The following HIVEP3 variants were observed in gnomAD, a reference collection of about 807,000 sequenced individuals.
HIVEP3 encodes transcription factor HIVEP3.
A neutral mutation model predicts 152.8 loss-of-function variants in HIVEP3; 49 were observed. That is an observed-to-expected ratio of 0.32 (90% CI 0.26 to 0.41). The LOEUF is 0.41. HIVEP3 is among the 10% of genes least tolerant of loss of function. The pLI, the probability that HIVEP3 is intolerant of heterozygous loss-of-function variation, is 1.00. For synonymous variants in HIVEP3, 1,269 were observed against 1,289.0 expected (o/e 0.98, Z 0.33); for missense variants, 2,790 against 3,103.3 (o/e 0.90, Z 2.40).
At chr1:41,911,308 T>C (rs969007639) in intron 1 of HIVEP3, among the ~76,000 whole-genome samples, 6 of 152,242 alleles carry the variant, frequency 3.9e-5, no homozygotes, top group Non-Finnish European at 7.3e-5. Context: ...GCAGATTAGA[T>C]ACTGTTACAC....
chr1:41,925,989 T>G, intron 1 of HIVEP3, among the ~76,000 whole-genome samples: 1 of 152,258 alleles, frequency 6.6e-6, no homozygotes, highest in African/African-American at 2.4e-5. Flanking sequence ...AGGATCATGC[T>G]TCCCTTCCTT....
At chr1:41,538,063 C>T (rs1343183526) in intron 5 of HIVEP3, among the ~76,000 whole-genome samples, 1 of 152,192 alleles carries the variant, frequency 6.6e-6, no homozygotes, top group Non-Finnish European at 1.5e-5. Context: ...GAGATGGAAA[C>T]AGTAATACAG....
intron 1 of HIVEP3, among the ~76,000 whole-genome samples, chr1:41,790,665 T>A (rs1476512814): frequency 6.6e-6 from 1 of 152,164 alleles, no homozygotes; most frequent in South Asian, 2.1e-4. Context: ...TATGGGAGAA[T>A]CCTTACGTAG....
At chr1:41,881,182 G>A (rs555303779) in intron 1 of HIVEP3, among the ~76,000 whole-genome samples, 1 of 152,334 alleles carries the variant, frequency 6.6e-6, no homozygotes, top group South Asian at 2.1e-4. Flanking sequence ...TGAGGGCAAC[G>A]AAGACCATGA....
At chr1:41,782,173 G>T (rs756503907) in intron 1 of HIVEP3, among the ~76,000 whole-genome samples, 5 of 152,232 alleles carry the variant, frequency 3.3e-5, no homozygotes, top group Non-Finnish European at 7.3e-5. Context: ...TGTGAATCTT[G>T]AAGATATTAT....
intron 1 of HIVEP3, among the ~76,000 whole-genome samples, chr1:41,998,140 A>G (rs1036618383): frequency 6.6e-6 from 1 of 152,214 alleles, no homozygotes; most frequent in Non-Finnish European, 1.5e-5. Flanking sequence ...TGTCTGTTAA[A>G]AAAAAAGATT....
chr1:41,997,875 G>T (rs1185277203), intron 1 of HIVEP3, among the ~76,000 whole-genome samples: 1 of 152,164 alleles, frequency 6.6e-6, no homozygotes, highest in Non-Finnish European at 1.5e-5. Context: ...TAAATTGTAG[G>T]CTTTGTTGGA....
At chr1:41,912,103 A>G (rs1239854606) in intron 1 of HIVEP3, among the ~76,000 whole-genome samples, 3 of 152,220 alleles carry the variant, frequency 2.0e-5, no homozygotes, top group African/African-American at 7.2e-5. Flanking sequence ...TTAGGGATAC[A>G]AATGCAAGAG....
intron 2 of HIVEP3, among the ~76,000 whole-genome samples, chr1:41,667,756 C>T (rs1035841585): frequency 1.3e-5 from 2 of 152,180 alleles, no homozygotes; most frequent in African/African-American, 4.8e-5. Flanking sequence ...GAGAATAACA[C>T]ATCCCAGGAA....
At chr1:41,886,239 T>C (rs1644344600) in intron 1 of HIVEP3, among the ~76,000 whole-genome samples, 1 of 152,010 alleles carries the variant, frequency 6.6e-6, no homozygotes, top group East Asian at 1.9e-4. Context: ...ATAAATTTAG[T>C]TTGGGTGTAG....
At chr1:41,638,411 GAAGT>G (rs1469424372) in intron 2 of HIVEP3, among the ~76,000 whole-genome samples, 6 of 151,054 alleles carry the variant, frequency 4.0e-5, no homozygotes, top group African/African-American at 7.3e-5. Context: ...AGAAAGGAAG[GAAGT>G]AAGGAAGAAA....
intron 2 of HIVEP3, among the ~76,000 whole-genome samples, chr1:41,655,425 G>A (rs141840893): frequency 1.1e-4 from 16 of 151,772 alleles, no homozygotes; most frequent in African/African-American, 3.1e-4. Context: ...TCTACTAAAC[G>A]TACAAAAATT....
chr1:42,032,432 G>T (rs952859560), intron 1 of HIVEP3, among the ~76,000 whole-genome samples: 6 of 152,208 alleles, frequency 3.9e-5, no homozygotes, highest in African/African-American at 1.4e-4. Context: ...GGGAAATACT[G>T]CAATTTTTCT....
chr1:41,989,715 G>GA (rs141136479), intron 1 of HIVEP3, among the ~76,000 whole-genome samples: 35,088 of 151,216 alleles, frequency 0.23, 4,334 homozygotes, highest in African/African-American at 0.32. Context: ...CTCAGCAAAA[G>GA]AAAAAAAAAT....
At chr1:41,679,586 G>A (rs1157476597) in intron 2 of HIVEP3, among the ~76,000 whole-genome samples, 1 of 152,232 alleles carries the variant, frequency 6.6e-6, no homozygotes, top group African/African-American at 2.4e-5. Context: ...ATGGAGGGGA[G>A]CTGACCAGCC....
At chr1:41,900,361 C>T (rs187746168) in intron 1 of HIVEP3, among the ~76,000 whole-genome samples, 5 of 152,304 alleles carry the variant, frequency 3.3e-5, no homozygotes, top group Admixed American at 2.0e-4. Flanking sequence ...GGTAGACTCC[C>T]AAAAGTTATT....
intron 4 of HIVEP3, among the ~76,000 whole-genome samples, chr1:41,577,677 AC>A (rs1348422700): frequency 6.6e-6 from 1 of 152,184 alleles, no homozygotes; most frequent in East Asian, 1.9e-4. Flanking sequence ...AGACCTAAGG[AC>A]TTTTTCAGAA....
intron 1 of HIVEP3, among the ~76,000 whole-genome samples, chr1:42,018,138 T>C (rs1396832442): frequency 6.6e-6 from 1 of 152,004 alleles, no homozygotes; most frequent in African/African-American, 2.4e-5. Context: ...CTTTCTCATA[T>C]TGATTTGTAG....
chr1:42,022,127 A>T (rs1264039889), intron 1 of HIVEP3, among the ~76,000 whole-genome samples: 1 of 152,224 alleles, frequency 6.6e-6, no homozygotes, highest in Non-Finnish European at 1.5e-5. Context: ...GCCAACCCCA[A>T]ACTGGCTTAA....
Sources: allele counts gnomAD v4.1 joint callset (sites outside exome capture counted in the v4.1 genomes callset), GRCh38; gene constraint gnomAD v4.1.1; transcripts MANE v1.5; gene names NCBI Gene and HGNC (gene_info 2026-07-23, HGNC 2026-07-21).